POLR3A: variants seen among roughly 807,000 people sequenced by gnomAD.
The protein encoded by POLR3A is RNA polymerase III subunit A, also known as DNA-directed RNA polymerase III subunit RPC1.
Under a neutral mutation model 152.8 loss-of-function variants are expected in POLR3A, and 112 were observed. The observed-to-expected ratio is 0.73, with a 90% CI of 0.63 to 0.86. The LOEUF is 0.86. Among genes scored for constraint, POLR3A ranks in the 40% least tolerant of loss-of-function variants. POLR3A has a pLI of 0.00. For missense variants in POLR3A, 1,385 were observed against 1,743.1 expected, an observed-to-expected ratio of 0.79 and a Z score of 3.66; for synonymous variants, 615 against 652.1, an observed-to-expected ratio of 0.94 and a Z score of 0.87.
chr10:77,985,074 T>G, intron 24 of POLR3A, 96 bp downstream of exon 24: 1 of 1,060,730 alleles, frequency 9.4e-7, no homozygotes, highest in Non-Finnish European at 1.5e-6. Context: ...CACAGTCCTA[T>G]GAGGATATCA....
At chr10:78,016,845 G>A (rs1354180057) in intron 10 of POLR3A, among the ~76,000 whole-genome samples, 1 of 145,646 alleles carries the variant, frequency 6.9e-6, no homozygotes, top group Non-Finnish European at 1.5e-5. Context: ...CTGCACTCCA[G>A]CCTGGGTAAC....
chr10:78,025,548 C>G, intron 3 of POLR3A, 74 bp downstream of exon 3: 1 of 1,498,038 alleles, frequency 6.7e-7, no homozygotes, highest in Non-Finnish European at 9.3e-7. Context: ...ACTCACAGTT[C>G]CTAAGTTCAT....
At chr10:77,979,139 T>C (rs1259934997) in intron 30 of POLR3A, among the ~76,000 whole-genome samples, 1 of 152,218 alleles carries the variant, frequency 6.6e-6, no homozygotes, top group Non-Finnish European at 1.5e-5. Context: ...ACTTATGTAA[T>C]ATTTATTTCC....
chr10:78,008,275 A>G (rs1003859303), intron 14 of POLR3A, among the ~76,000 whole-genome samples: 2 of 152,274 alleles, frequency 1.3e-5, no homozygotes, highest in African/African-American at 4.8e-5. Context: ...CAAAGGTACC[A>G]TCATGTACAG....
chr10:78,000,950 G>C, intron 18 of POLR3A, 26 bp downstream of exon 18: 3 of 1,162,708 alleles, frequency 2.6e-6, no homozygotes, highest in Admixed American at 1.7e-5. Flanking sequence ...GATCTTCACA[G>C]TTCTACCTGA....
At chr10:78,019,019 C>T in intron 9 of POLR3A, 143 bp downstream of exon 9, 1 of 707,104 alleles carries the variant, frequency 1.4e-6, no homozygotes, top group East Asian at 2.7e-5. Flanking sequence ...TACCTTGGCT[C>T]ACGGAAATTT....
At chr10:78,013,557 C>T (rs769499692) in intron 11 of POLR3A, 93 bp downstream of exon 11, 71 of 1,282,488 alleles carry the variant, frequency 5.5e-5, no homozygotes, top group South Asian at 9.5e-5. Context: ...GCTTCTTTGG[C>T]GTTGTTAGTT....
chr10:78,001,912 AGTGCT>A (rs760023622), intron 17 of POLR3A, among the ~76,000 whole-genome samples: 2 of 152,142 alleles, frequency 1.3e-5, no homozygotes, highest in Non-Finnish European at 2.9e-5. Context: ...AGCCTCCCAA[AGTGCT>A]GGGATTACAG....
chr10:78,026,732 A>G (rs2131962352), intron 1 of POLR3A, among the ~76,000 whole-genome samples: 1 of 152,284 alleles, frequency 6.6e-6, no homozygotes, highest in Admixed American at 6.5e-5. Flanking sequence ...CATTCTCCTG[A>G]GTGATCATGC....
Position 78,026,229 on chromosome 10 carries a change from T to C in POLR3A, c.45A>G (p.Ile15Met). Residue 15 changes from isoleucine to methionine, a missense_variant and splice_region_variant, in exon 2 of 31, where the codon ATA becomes ATG. This residue lies in a region of POLR3A where 493 missense variants were observed against 647.5 expected (regional missense o/e 0.76). Transcript: ENST00000372371. ...ACTTCATTCCAAAACAGATGTGGCT[T>C]CTGGAATGGGAAGAAAAAGGTGAAA... The part of the protein sequence containing the change: ...QFRETDVAKK[I>M]SHICFGMKSP... 1 of 1,614,226 alleles carries C rather than the reference T, an allele frequency of 6.2e-7. No individual in the cohort carries two copies. Among genetic ancestry groups the C allele is most frequent in the Non-Finnish European group, 8.5e-7 (1 of 1,180,038 alleles).
chr10:78,000,246 A>C, intron 18 of POLR3A, 128 bp from the exon 19 acceptor site: 3 of 791,648 alleles, frequency 3.8e-6, no homozygotes, highest in Admixed American at 2.1e-5. Context: ...TTCTCACTAA[A>C]TGGCAGGCTT....
At chr10:77,988,534 T>G (rs1019174790) in intron 21 of POLR3A, among the ~76,000 whole-genome samples, 16 of 152,092 alleles carry the variant, frequency 1.1e-4, no homozygotes, top group African/African-American at 3.6e-4. Flanking sequence ...TCGCAAGAAC[T>G]TTAGAGTTCT....
rs777252594 is a variant in POLR3A at position 78,024,530 on chromosome 10, C to G, written c.645+19G>C. The G allele has an allele frequency of 3.7e-6, 6 of 1,611,810 alleles. No homozygotes were observed. The East Asian group carries it at 1.3e-4, about 36-fold the overall frequency. ...AGGCGGGAGGCAGGCGGAAGGCAGG[C>G]GTGCATTCTCAGGCTCACCTGTGCC... is the stretch of plus-strand genomic sequence containing the variant. On this transcript the variant is annotated intron_variant, in intron 5 of 30. Coordinates refer to ENST00000372371, the MANE Select transcript of POLR3A (RefSeq NM_007055.4).
chr10:78,025,409 A>G (rs1475616696), intron 3 of POLR3A, among the ~76,000 whole-genome samples: 1 of 152,186 alleles, frequency 6.6e-6, no homozygotes, highest in Non-Finnish European at 1.5e-5. Context: ...TTATTTTTTT[A>G]AGAACACGTA....
At chr10:77,990,023 C>T (rs1043116258) in intron 21 of POLR3A, among the ~76,000 whole-genome samples, 5 of 152,124 alleles carry the variant, frequency 3.3e-5, no homozygotes, top group East Asian at 1.9e-4. Flanking sequence ...AAGCTTCACT[C>T]GCTGTTTTTA....
intron 15 of POLR3A, among the ~76,000 whole-genome samples, chr10:78,006,126 G>C (rs917552851): frequency 5.9e-5 from 9 of 152,160 alleles, no homozygotes; most frequent in African/African-American, 2.2e-4. Flanking sequence ...CCTGGGCATA[G>C]TGGCTCACGC....
intron 26 of POLR3A, 150 bp from the exon 27 acceptor site, chr10:77,982,967 T>C (rs907995013): frequency 5.4e-5 from 38 of 708,570 alleles, no homozygotes; most frequent in Non-Finnish European, 9.0e-5. Flanking sequence ...ATGCTACATA[T>C]GTTTTATGTA....
chr10:77,995,116 G>T (rs1847287130), intron 19 of POLR3A, among the ~76,000 whole-genome samples: 1 of 152,160 alleles, frequency 6.6e-6, no homozygotes, highest in African/African-American at 2.4e-5. Flanking sequence ...AATGCTGAGA[G>T]ATTTTGTCAC....
At chr10:78,010,366 C>T in intron 12 of POLR3A, 105 bp downstream of exon 12, 1 of 936,636 alleles carries the variant, frequency 1.1e-6, no homozygotes, top group Non-Finnish European at 1.8e-6. Flanking sequence ...CCAAATTAAA[C>T]ACAGGCTATT....
Sources: allele counts gnomAD v4.1 joint callset (sites outside exome capture counted in the v4.1 genomes callset), GRCh38; gene constraint gnomAD v4.1.1; regional missense constraint gnomAD v4.1.1; transcripts MANE v1.5; gene names NCBI Gene and HGNC (gene_info 2026-07-23, HGNC 2026-07-21).